Variants in FOXP2 observed in about 807,000 individuals in gnomAD.
FOXP2 encodes the protein forkhead box protein P2.
A neutral mutation model predicts 115.8 loss-of-function variants in FOXP2; 12 were observed. The observed-to-expected ratio is 0.10, with a 90% CI of 0.07 to 0.17. The LOEUF is 0.17. FOXP2 is among the 10% of genes least tolerant of loss of function. The pLI, the probability that FOXP2 is intolerant of heterozygous loss-of-function variation, is 1.00. For synonymous variants in FOXP2, 328 were observed against 297.7 expected (o/e 1.10, Z -1.05); for missense variants, 629 against 843.5 (o/e 0.75, Z 3.15).
At chr7:114,313,241 C>A (rs1797189153) in intron 2 of FOXP2, among the ~76,000 whole-genome samples, 1 of 152,162 alleles carries the variant, frequency 6.6e-6, no homozygotes, top group Admixed American at 6.5e-5. Context: ...AATAACATAG[C>A]TTTGGCTCTT....
intron 2 of FOXP2, among the ~76,000 whole-genome samples, chr7:114,326,253 C>T (rs2129182155): frequency 6.6e-6 from 1 of 152,156 alleles, no homozygotes; most frequent in East Asian, 1.9e-4. Context: ...TTGTACTCTT[C>T]AGCAAGAACA....
intron 5 of FOXP2, among the ~76,000 whole-genome samples, 188 bp from the exon 6 acceptor site, chr7:114,631,340 C>G (rs1804909592): frequency 1.3e-5 from 2 of 152,032 alleles, no homozygotes; most frequent in Admixed American, 1.3e-4. Flanking sequence ...TTCTCTAACA[C>G]GATTTAATAA....
At chr7:114,459,190 G>T (rs1436815132) in intron 2 of FOXP2, among the ~76,000 whole-genome samples, 1 of 152,158 alleles carries the variant, frequency 6.6e-6, no homozygotes, top group African/African-American at 2.4e-5. Context: ...GCACTTCTGC[G>T]ACTTTCTATT....
chr7:114,155,634 T>C (rs1792645123), intron 1 of FOXP2, among the ~76,000 whole-genome samples: 3 of 152,036 alleles, frequency 2.0e-5, no homozygotes, highest in African/African-American at 7.2e-5. Context: ...AGTGTCTGTG[T>C]CATGTGGCAC....
In FOXP2 at chr7:114,171,273, C is replaced by A. The variant is rs1401528382; in HGVS notation, c.-102+8185C>A. 2.0e-5 allele frequency among the ~76,000 whole-genome samples: 3 copies of A among 152,162 alleles called. No individual in the cohort carries two copies. In the South Asian group the frequency reaches 6.2e-4, roughly 32 times the overall value. On this transcript the variant is annotated intron_variant, in intron 1 of 17. Transcript: ENST00000634411. Reference sequence around the variant, plus strand: ...AAAAGTTTCTTTCAAAATATTACTGCTCATTAATAATGTACCTGGGCCAGG... The same window carrying A: ...AAAAGTTTCTTTCAAAATATTACTGATCATTAATAATGTACCTGGGCCAGG...
rs190640581 is a variant in FOXP2, at chr7:114,633,636, C to T, written c.775+1931C>T. On this transcript the variant is annotated intron_variant, in intron 6 of 16. Transcript: ENST00000350908. ...CCATGTAAGCCACACAAACCGGCAT[C>T]ATTGTCTTGTTTTTTACGATTTAGA... is the stretch of plus-strand genomic sequence containing the variant. 2.6e-5 allele frequency among the ~76,000 whole-genome samples: 4 copies of T among 152,290 alleles called. No individual in the cohort carries two copies. In the East Asian group the frequency reaches 5.8e-4, roughly 22 times the overall value.
intron 6 of FOXP2, among the ~76,000 whole-genome samples, chr7:114,636,814 A>G (rs951180448): frequency 1.3e-5 from 2 of 152,126 alleles, no homozygotes. Context: ...AATTAATTTT[A>G]ATTAATTCTT....
intron 1 of FOXP2, among the ~76,000 whole-genome samples, chr7:114,154,330 G>A (rs1432451400): frequency 6.6e-6 from 1 of 151,888 alleles, no homozygotes; most frequent in Non-Finnish European, 1.5e-5. Context: ...ATATAGATAA[G>A]GTGGGTTTTT....
At chr7:114,529,818 G>A (rs1444704448) in intron 2 of FOXP2, among the ~76,000 whole-genome samples, 1 of 151,692 alleles carries the variant, frequency 6.6e-6, no homozygotes. Context: ...CGGATTACAT[G>A]TATCAGTATA....
At chr7:114,520,418 T>G (rs1798560443) in intron 2 of FOXP2, among the ~76,000 whole-genome samples, 1 of 149,442 alleles carries the variant, frequency 6.7e-6, no homozygotes, top group African/African-American at 2.4e-5. Flanking sequence ...CAAAAAGACT[T>G]AAAAGCAACA....
intron 8 of FOXP2, among the ~76,000 whole-genome samples, chr7:114,649,292 A>G (rs1806099716): frequency 6.6e-6 from 1 of 152,138 alleles, no homozygotes; most frequent in African/African-American, 2.4e-5. Context: ...TAGGCAATAT[A>G]TCAAATGCAT....
intron 2 of FOXP2, among the ~76,000 whole-genome samples, chr7:114,401,764 A>G (rs1008936863): frequency 3.3e-5 from 5 of 152,212 alleles, no homozygotes; most frequent in Admixed American, 6.5e-5. Flanking sequence ...AATGCTATGT[A>G]TAGTATTTTT....
intron 2 of FOXP2, among the ~76,000 whole-genome samples, chr7:114,296,171 T>C (rs1796737348): frequency 6.6e-6 from 1 of 152,202 alleles, no homozygotes; most frequent in African/African-American, 2.4e-5. Context: ...AATTCTCAAC[T>C]GCCATGTTAT....
chr7:114,126,472 A>G (rs529928113), intron 1 of FOXP2, among the ~76,000 whole-genome samples: 6 of 152,282 alleles, frequency 3.9e-5, no homozygotes, highest in South Asian at 2.1e-4. Context: ...AATTTATGCT[A>G]TTAGAATCTT....
At chr7:114,211,308 A>C (rs1248228733) in intron 1 of FOXP2, among the ~76,000 whole-genome samples, 2 of 152,222 alleles carry the variant, frequency 1.3e-5, no homozygotes, top group African/African-American at 4.8e-5. Context: ...GAATCCACAC[A>C]GCTCTGTGTA....
intron 2 of FOXP2, among the ~76,000 whole-genome samples, chr7:114,336,598 T>C (rs1452863811): frequency 6.6e-6 from 1 of 151,590 alleles, no homozygotes. Context: ...AAGAATACAC[T>C]GGTGTCCTAT....
intron 3 of FOXP2, among the ~76,000 whole-genome samples, chr7:114,564,215 T>A (rs1181567720): frequency 6.8e-6 from 1 of 147,868 alleles, no homozygotes; most frequent in Non-Finnish European, 1.5e-5. Flanking sequence ...GTCGGCATAA[T>A]CCTAAACCTT....
At chr7:114,155,147 G>T (rs1055653954) in intron 1 of FOXP2, among the ~76,000 whole-genome samples, 1 of 152,060 alleles carries the variant, frequency 6.6e-6, no homozygotes, top group African/African-American at 2.4e-5. Context: ...TATATGTTGG[G>T]TATTGTAAAC....
chr7:114,114,764 A>C lies in FOXP2; in HGVS notation c.-247+26926A>C, dbSNP rs979905212. ...ATTCACCTCTCAGAATGAACCTCATAGTGATAGTTGTTGGACTTCAGAGCC... is the reference window on the plus strand; with the variant it reads ...ATTCACCTCTCAGAATGAACCTCATCGTGATAGTTGTTGGACTTCAGAGCC... On this transcript the variant is annotated intron_variant, in intron 1 of 19. Coordinates refer to the FOXP2 transcript ENST00000635638. 1.3e-5 allele frequency among the ~76,000 whole-genome samples: 2 copies of C among 152,168 alleles called. 1 individual carries two copies. Among genetic ancestry groups the C allele is most frequent in the Non-Finnish European group, 2.9e-5 (2 of 68,018 alleles).
Sources: allele counts gnomAD v4.1 joint callset (sites outside exome capture counted in the v4.1 genomes callset), GRCh38; gene constraint gnomAD v4.1.1; transcripts MANE v1.5; gene names NCBI Gene and HGNC (gene_info 2026-07-23, HGNC 2026-07-21).